The following HS6ST3 variants were observed in gnomAD, a reference collection of about 807,000 sequenced individuals.
The protein encoded by HS6ST3 is heparan-sulfate 6-O-sulfotransferase 3.
In HS6ST3, 12 loss-of-function variants were observed where a neutral mutation model predicts 36.7. The observed-to-expected ratio is 0.33, with a 90% CI of 0.21 to 0.53. HS6ST3 has a LOEUF of 0.53. Ranked by LOEUF, HS6ST3 falls within the 20% of genes least tolerant of loss-of-function variation. The pLI is 0.95. For missense variants in HS6ST3, 584 were observed against 640.9 expected, an observed-to-expected ratio of 0.91 and a Z score of 0.96; for synonymous variants, 240 against 257.5, an observed-to-expected ratio of 0.93 and a Z score of 0.65.
rs2055526570 is a variant in HS6ST3 at position 96,415,129 on chromosome 13, T to TG, written c.707+323564dup. ...TTACTGCCTTGCAGCTATGGTTCTT[T>TG]GGGGAATGGGGTGACCTGTTCAACC... On this transcript the variant is annotated intron_variant, in intron 1 of 1. Transcript: ENST00000376705. 2.6e-5 allele frequency among the ~76,000 whole-genome samples: 4 copies of TG among 152,214 alleles called. No individual in the cohort carries two copies. The South Asian group carries it at 8.3e-4, about 32-fold the overall frequency.
intron 1 of HS6ST3, among the ~76,000 whole-genome samples, chr13:96,502,465 C>T (rs1418960407): frequency 6.6e-6 from 1 of 150,488 alleles, no homozygotes; most frequent in African/African-American, 2.4e-5. Flanking sequence ...GTCATGTTCT[C>T]ACAAGTGAGC....
At chr13:96,266,364 G>A (rs972244555) in intron 1 of HS6ST3, among the ~76,000 whole-genome samples, 2 of 152,126 alleles carry the variant, frequency 1.3e-5, no homozygotes, top group Non-Finnish European at 2.9e-5. Flanking sequence ...ATTTGCAAAG[G>A]GAATGTGAGG....
chr13:96,215,264 A>C (rs1437131624), intron 1 of HS6ST3, among the ~76,000 whole-genome samples: 1 of 152,220 alleles, frequency 6.6e-6, no homozygotes, highest in Non-Finnish European at 1.5e-5. Flanking sequence ...GCGATGTGTC[A>C]TGTGCCTGTG....
At chr13:96,386,257 A>C in intron 1 of HS6ST3, among the ~76,000 whole-genome samples, 1 of 152,170 alleles carries the variant, frequency 6.6e-6, no homozygotes, top group East Asian at 1.9e-4. Context: ...GAGTAAGTAT[A>C]TCTATTGTAT....
intron 1 of HS6ST3, among the ~76,000 whole-genome samples, chr13:96,595,255 A>G (rs1409094420): frequency 6.6e-6 from 1 of 152,020 alleles, no homozygotes; most frequent in Non-Finnish European, 1.5e-5. Context: ...CTATGTTGCC[A>G]AGGCTGGTCT....
At chr13:96,722,593 G>T (rs1875877385) in intron 1 of HS6ST3, among the ~76,000 whole-genome samples, 1 of 152,200 alleles carries the variant, frequency 6.6e-6, no homozygotes, top group Non-Finnish European at 1.5e-5. Flanking sequence ...GAGGCTTTCA[G>T]TAACTTACTT....
At chr13:96,689,606 CTTTTTTT>C (rs34000071) in intron 1 of HS6ST3, among the ~76,000 whole-genome samples, 14 of 101,234 alleles carry the variant, frequency 1.4e-4, no homozygotes, top group Non-Finnish European at 2.2e-4. Context: ...TTCTTTCTTT[CTTTTTTT>C]TTTTTTTTTG....
chr13:96,373,480 A>G (rs1031122828), intron 1 of HS6ST3, among the ~76,000 whole-genome samples: 11 of 152,190 alleles, frequency 7.2e-5, no homozygotes, highest in Non-Finnish European at 1.5e-5. Flanking sequence ...TATTAAAATA[A>G]AAAGAGTGAG....
intron 1 of HS6ST3, among the ~76,000 whole-genome samples, chr13:96,192,097 C>A (rs80027028): frequency 0.011 from 1,748 of 152,200 alleles, 35 homozygotes; most frequent in African/African-American, 0.04. Flanking sequence ...TCAAATCTGA[C>A]CCTGGCATTT....
chr13:96,561,771 A>C (rs1302076686), intron 1 of HS6ST3, among the ~76,000 whole-genome samples: 1 of 152,200 alleles, frequency 6.6e-6, no homozygotes, highest in African/African-American at 2.4e-5. Flanking sequence ...GCAAACATAT[A>C]AAAAATGCTC....
intron 1 of HS6ST3, among the ~76,000 whole-genome samples, chr13:96,431,225 AAACAACAAC>A (rs71213616): frequency 0.021 from 3,192 of 150,422 alleles, 106 homozygotes; most frequent in African/African-American, 0.069. Context: ...ACAAACAAAC[AAACAACAAC>A]AACAACAACA....
At chr13:96,282,494 G>A (rs1272848336) in intron 1 of HS6ST3, among the ~76,000 whole-genome samples, 3 of 152,186 alleles carry the variant, frequency 2.0e-5, no homozygotes, top group African/African-American at 7.2e-5. Flanking sequence ...AATGAGGAAC[G>A]TATGTGGGTC....
At chr13:96,428,551 C>T (rs2055598776) in intron 1 of HS6ST3, among the ~76,000 whole-genome samples, 1 of 152,072 alleles carries the variant, frequency 6.6e-6, no homozygotes, top group African/African-American at 2.4e-5. Context: ...TGTGTCCTAA[C>T]CTCCTCTTCT....
chr13:96,419,149 A>G (rs2055549791), intron 1 of HS6ST3, among the ~76,000 whole-genome samples: 1 of 152,248 alleles, frequency 6.6e-6, no homozygotes, highest in Non-Finnish European at 1.5e-5. Flanking sequence ...GAGGCAAGGA[A>G]AAGATCATAA....
intron 1 of HS6ST3, among the ~76,000 whole-genome samples, chr13:96,367,548 T>G (rs749494905): frequency 6.6e-6 from 1 of 152,224 alleles, no homozygotes; most frequent in Non-Finnish European, 1.5e-5. Context: ...CCTAATCTCC[T>G]GCTTCTCAGT....
At chr13:96,188,331 C>A (rs2054273973) in intron 1 of HS6ST3, among the ~76,000 whole-genome samples, 2 of 152,036 alleles carry the variant, frequency 1.3e-5, no homozygotes, top group African/African-American at 4.8e-5. Flanking sequence ...GTTTCAAAAT[C>A]AGGCTGGGCA....
At chr13:96,374,028 G>T (rs2139442587) in intron 1 of HS6ST3, among the ~76,000 whole-genome samples, 1 of 152,252 alleles carries the variant, frequency 6.6e-6, no homozygotes, top group African/African-American at 2.4e-5. Context: ...TATTTGGTCT[G>T]GTTTCTTGCC....
chr13:96,386,692 C>T (rs1046626705), intron 1 of HS6ST3, among the ~76,000 whole-genome samples: 5 of 152,068 alleles, frequency 3.3e-5, no homozygotes, highest in African/African-American at 4.8e-5. Flanking sequence ...TGGTGAAACC[C>T]TGTCTCTACT....
At chr13:96,329,203 T>C (rs912631471) in intron 1 of HS6ST3, among the ~76,000 whole-genome samples, 1 of 147,122 alleles carries the variant, frequency 6.8e-6, no homozygotes, top group Non-Finnish European at 1.5e-5. Context: ...CTGATTTTAG[T>C]TATTTCTTGC....
Sources: allele counts gnomAD v4.1 joint callset (sites outside exome capture counted in the v4.1 genomes callset), GRCh38; gene constraint gnomAD v4.1.1; transcripts MANE v1.5; gene names NCBI Gene and HGNC (gene_info 2026-07-23, HGNC 2026-07-21).